The following LRP1B variants were observed in gnomAD, a reference collection of about 807,000 sequenced individuals.
The protein encoded by LRP1B is low-density lipoprotein receptor-related protein 1B.
A neutral mutation model predicts 556.6 loss-of-function variants in LRP1B; 217 were observed. The observed-to-expected ratio is 0.39, with a 90% CI of 0.35 to 0.44. The LOEUF is 0.44. Among genes scored for constraint, LRP1B ranks in the 20% least tolerant of loss-of-function variants. The pLI is 1.00. For synonymous variants in LRP1B, 2,047 were observed against 1,865.8 expected, an observed-to-expected ratio of 1.10 and a Z score of -2.50; for missense variants, 5,053 against 5,620.8, an observed-to-expected ratio of 0.90 and a Z score of 3.23.
chr2:140,901,722 G>A (rs1694110898), intron 23 of LRP1B, among the ~76,000 whole-genome samples: 1 of 152,060 alleles, frequency 6.6e-6, no homozygotes, highest in African/African-American at 2.4e-5. Context: ...ACATATTGAA[G>A]TGCACTTATT....
intron 2 of LRP1B, among the ~76,000 whole-genome samples, chr2:141,614,958 G>A (rs1201921585): frequency 1.3e-5 from 2 of 152,184 alleles, no homozygotes; most frequent in African/African-American, 2.4e-5. Context: ...CTTTGGAATT[G>A]GGTAATGGGT....
intron 2 of LRP1B, among the ~76,000 whole-genome samples, chr2:141,660,269 T>C (rs1033597418): frequency 1.2e-4 from 18 of 152,266 alleles, no homozygotes; most frequent in African/African-American, 3.6e-4. Context: ...TGAGTGACCA[T>C]GCTACCCTGC....
At chr2:141,227,563 G>A (rs1573681716) in intron 6 of LRP1B, among the ~76,000 whole-genome samples, 1 of 152,058 alleles carries the variant, frequency 6.6e-6, no homozygotes, top group African/African-American at 2.4e-5. Context: ...TAGAATTCTT[G>A]AAATATCCAC....
At chr2:140,451,907 C>G (rs41478345) in intron 62 of LRP1B, among the ~76,000 whole-genome samples, 25,861 of 151,836 alleles carry the variant, frequency 0.17, 2,464 homozygotes, top group Non-Finnish European at 0.22. Context: ...TTATCCTTTC[C>G]ACTTGAAACA....
intron 1 of LRP1B, among the ~76,000 whole-genome samples, chr2:141,916,809 T>A (rs1441850129): frequency 2.6e-5 from 4 of 152,124 alleles, no homozygotes; most frequent in African/African-American, 9.7e-5. Context: ...AAAAACCAAC[T>A]GTTGGGTATT....
rs547388737 is a variant in LRP1B at position 141,179,457 on chromosome 2, G to A, written c.1013+8964C>T. ...TACCATGGCTATATTCAATCATTATGAAGATCAATCGCAATGGCAAAAATA... is the reference window on the plus strand; with the variant it reads ...TACCATGGCTATATTCAATCATTATAAAGATCAATCGCAATGGCAAAAATA... On this transcript the variant is annotated intron_variant, in intron 7 of 90. Transcript: ENST00000389484. Among the ~76,000 whole-genome samples, 37 of 152,116 alleles carry A rather than the reference G, an allele frequency of 2.4e-4. No individual in the cohort carries two copies. In the South Asian group the frequency reaches 7.3e-3, roughly 30 times the overall value.
intron 24 of LRP1B, among the ~76,000 whole-genome samples, chr2:140,885,452 G>A (rs764731778): frequency 2.0e-5 from 3 of 150,826 alleles, no homozygotes; most frequent in African/African-American, 2.4e-5. Flanking sequence ...CCAGGTTCAC[G>A]CAATTCTCCT....
intron 7 of LRP1B, among the ~76,000 whole-genome samples, chr2:141,091,691 A>G (rs910015750): frequency 2.0e-5 from 3 of 152,202 alleles, no homozygotes; most frequent in African/African-American, 7.2e-5. Context: ...TGAAACACTG[A>G]GCTGGAATAA....
At chr2:141,378,855 T>G (rs1157666382) in intron 3 of LRP1B, among the ~76,000 whole-genome samples, 1 of 152,074 alleles carries the variant, frequency 6.6e-6, no homozygotes, top group African/African-American at 2.4e-5. Flanking sequence ...TGAAGAAGAA[T>G]GAACAGACAC....
chr2:141,380,579 ATTCATT>A (rs1689601165), intron 3 of LRP1B, among the ~76,000 whole-genome samples: 1 of 152,114 alleles, frequency 6.6e-6, no homozygotes, highest in Non-Finnish European at 1.5e-5. Flanking sequence ...AGGGCTTGGA[ATTCATT>A]AGGCCTCTAG....
intron 35 of LRP1B, among the ~76,000 whole-genome samples, chr2:140,758,430 GTT>G (rs914566487): frequency 5.9e-5 from 9 of 151,750 alleles, no homozygotes; most frequent in African/African-American, 2.2e-4. Context: ...TTTCTTTCAT[GTT>G]TTCTAATTTT....
intron 43 of LRP1B, among the ~76,000 whole-genome samples, chr2:140,562,560 C>G (rs1464487384): frequency 1.3e-5 from 2 of 152,020 alleles, no homozygotes; most frequent in African/African-American, 4.8e-5. Flanking sequence ...ATAATTTTCT[C>G]TCTATATTGT....
intron 55 of LRP1B, among the ~76,000 whole-genome samples, chr2:140,500,140 A>G (rs7577121): frequency 0.98 from 149,191 of 152,066 alleles, 73,244 homozygotes; most frequent in East Asian, 1. Context: ...ATGAGTTCAT[A>G]TTCTAAGTTT....
intron 7 of LRP1B, among the ~76,000 whole-genome samples, chr2:141,149,779 G>A (rs979945151): frequency 6.6e-6 from 1 of 152,102 alleles, no homozygotes; most frequent in African/African-American, 2.4e-5. Context: ...GCAACCTCCA[G>A]GAAAGAACAA....
At chr2:141,874,710 T>A (rs1329877131) in intron 1 of LRP1B, among the ~76,000 whole-genome samples, 1 of 152,060 alleles carries the variant, frequency 6.6e-6, no homozygotes, top group East Asian at 1.9e-4. Flanking sequence ...ATATTTCTCA[T>A]GTGACCAGCA....
chr2:140,252,420 C>T (rs1681478876), intron 86 of LRP1B, among the ~76,000 whole-genome samples: 1 of 151,852 alleles, frequency 6.6e-6, no homozygotes, highest in Non-Finnish European at 1.5e-5. Flanking sequence ...TATAAGAATC[C>T]TATGAGTAGG....
intron 2 of LRP1B, among the ~76,000 whole-genome samples, chr2:141,570,625 G>A (rs1686491561): frequency 6.6e-6 from 1 of 150,916 alleles, no homozygotes; most frequent in Middle Eastern, 3.2e-3. Flanking sequence ...AGCCAGCACT[G>A]GAACTGGCAA....
chr2:141,148,916 T>TAAA (rs1701852213), intron 7 of LRP1B, among the ~76,000 whole-genome samples: 7 of 151,970 alleles, frequency 4.6e-5, no homozygotes, highest in Non-Finnish European at 1.0e-4. Flanking sequence ...AAACCCAGTC[T>TAAA]CTACTAAAAA....
chr2:141,855,860 T>C (rs1341762149), intron 1 of LRP1B, among the ~76,000 whole-genome samples: 1 of 152,238 alleles, frequency 6.6e-6, no homozygotes, highest in Middle Eastern at 3.4e-3. Flanking sequence ...CTAAAGAAAA[T>C]ACAAAAAGAC....
Sources: gnomAD v4.1 joint callset for allele counts (sites outside exome capture counted in the v4.1 genomes callset) on GRCh38, gnomAD v4.1.1 for gene constraint, MANE v1.5 for transcripts, NCBI Gene and HGNC (gene_info 2026-07-23, HGNC 2026-07-21) for gene names.